Variants in PCDHGA2 observed in about 807,000 individuals in gnomAD.
The protein encoded by PCDHGA2 is protocadherin gamma subfamily A, 2, also known as protocadherin gamma-A2.
A neutral mutation model predicts 59.2 loss-of-function variants in PCDHGA2; 40 were observed. That is an observed-to-expected ratio of 0.68 (90% CI 0.52 to 0.88). PCDHGA2 has a LOEUF of 0.88. Ranked by LOEUF, PCDHGA2 falls within the 40% of genes least tolerant of loss-of-function variation. PCDHGA2 has a pLI of 0.00. For missense variants in PCDHGA2, 1,226 were observed against 1,204.0 expected (o/e 1.02, Z -0.27); for synonymous variants, 560 against 526.0 (o/e 1.06, Z -0.89).
intron 1 of PCDHGA2, chr5:141,426,390 C>T (rs1211244710): frequency 7.9e-6 from 2 of 252,180 alleles, no homozygotes; most frequent in African/African-American, 4.4e-5. Flanking sequence ...AGATCCGCTA[C>T]TCTATTCCAG....
At chr5:141,415,750 T>TTTG in intron 1 of PCDHGA2, 2 of 1,313,212 alleles carry the variant, frequency 1.5e-6, no homozygotes, top group African/African-American at 1.6e-5. Context: ...GTTTTTTTTT[T>TTTG]TTTTTTTTTT....
intron 1 of PCDHGA2, chr5:141,427,752 G>A (rs1171502843): frequency 4.5e-6 from 6 of 1,319,552 alleles, no homozygotes; most frequent in South Asian, 1.2e-5. Context: ...CTACTCCATC[G>A]TTACCACTGA....
At chr5:141,371,292 G>T (rs527250082) in intron 1 of PCDHGA2, 1 of 1,613,858 alleles carries the variant, frequency 6.2e-7, no homozygotes, top group South Asian at 1.1e-5. Flanking sequence ...TAAAACGGGG[G>T]AACTCACCAC....
rs779732249 is a variant in PCDHGA2, at chr5:141,361,274, GAGA to G, written c.2424+19882_2424+19884del. 2.5e-6 allele frequency: 4 copies of G among 1,613,962 alleles called. No individual in the cohort carries two copies. In the African/African-American group the frequency reaches 5.3e-5, roughly 22 times the overall value. On this transcript the variant is annotated intron_variant, in intron 1 of 3. Transcript: ENST00000394576. ...AGAGACAGAGACTCTGGAGAAAATG[GAGA>G]AGTTTACTGCCAAGTGTTGGGAAAT...
intron 1 of PCDHGA2, chr5:141,410,350 A>G (rs2154543015): frequency 1.2e-6 from 2 of 1,613,912 alleles, no homozygotes; most frequent in South Asian, 1.1e-5. Context: ...TGCGCCTGCG[A>G]CGCTCTCTCA....
chr5:141,479,710 T>C (rs901198074), intron 1 of PCDHGA2: 1 of 152,264 alleles, frequency 6.6e-6, no homozygotes, highest in African/African-American at 2.4e-5. Flanking sequence ...GTCCCTGTCC[T>C]TCCAGCCTTA....
intron 1 of PCDHGA2, chr5:141,419,137 CAG>C (rs1561778402): frequency 1.2e-6 from 2 of 1,613,892 alleles, no homozygotes; most frequent in South Asian, 1.1e-5. Context: ...CAGCCACAGA[CAG>C]GGGCAAGCCT....
chr5:141,344,171 C>A (rs1757378973), intron 1 of PCDHGA2: 2 of 1,614,014 alleles, frequency 1.2e-6, no homozygotes, highest in Non-Finnish European at 1.7e-6. Context: ...CCTTCGTGGG[C>A]AACATCGCTA....
intron 1 of PCDHGA2, among the ~76,000 whole-genome samples, chr5:141,381,244 C>G (rs554184818): frequency 6.6e-6 from 1 of 152,242 alleles, no homozygotes; most frequent in South Asian, 2.1e-4. Context: ...TCTCCAGGAC[C>G]TAGAAGAATT....
chr5:141,454,228 T>C (rs6896225), intron 1 of PCDHGA2, among the ~76,000 whole-genome samples: 1,935 of 152,208 alleles, frequency 0.013, 54 homozygotes, highest in African/African-American at 0.044. Flanking sequence ...AAAGTAATTG[T>C]GATGAAAAGG....
intron 1 of PCDHGA2, chr5:141,392,664 C>CT (rs530587453): frequency 1.2e-6 from 1 of 817,260 alleles, no homozygotes; most frequent in South Asian, 2.1e-5. Flanking sequence ...ATGCCACAAA[C>CT]TAACTGCTGG....
intron 1 of PCDHGA2, among the ~76,000 whole-genome samples, chr5:141,494,399 T>A (rs2099754028): frequency 6.6e-6 from 1 of 152,146 alleles, no homozygotes; most frequent in South Asian, 2.1e-4. Context: ...ATAAATTCAT[T>A]CTAGGGCTGG....
chr5:141,371,367 G>A (rs778491308), intron 1 of PCDHGA2: 3 of 1,613,892 alleles, frequency 1.9e-6, no homozygotes, highest in Non-Finnish European at 1.7e-6. Flanking sequence ...AAAGGATGGT[G>A]GACATCACAC....
chr5:141,491,884 G>C lies in PCDHGA2; in HGVS notation c.2425-2923G>C, dbSNP rs745931108. 5.0e-5 allele frequency: 73 copies of C among 1,446,372 alleles called. No homozygotes were observed. The highest frequency in any genetic ancestry group is 6.3e-5 in the Non-Finnish European group (69 of 1,094,334). The allele number at this position is 1,446,372 out of a possible 1,614,324, so 89.6% of individuals were successfully genotyped here. A position where few individuals can be genotyped will look rare whatever the true frequency, so the allele number is the denominator to read the frequency against. On this transcript the variant is annotated intron_variant, in intron 1 of 3. Coordinates refer to ENST00000394576, the MANE Select transcript of PCDHGA2 (RefSeq NM_018915.4). The surrounding 1 kb of genome is among the most constrained non-coding windows in gnomAD (Gnocchi z 6.9). The stretch of plus-strand genomic sequence containing the variant: ...AACCAGAGTGGCCGATTAAGGGATG[G>C]GGCTCCGAGCACCGGGGGTGGTGGC...
intron 1 of PCDHGA2, chr5:141,397,930 G>C (rs898785209): frequency 5.2e-6 from 4 of 775,998 alleles, no homozygotes; most frequent in Non-Finnish European, 8.1e-6. Flanking sequence ...TCGCGCAGCC[G>C]CAGCGCGCTT....
chr5:141,402,872 T>A, intron 1 of PCDHGA2: 1 of 1,455,372 alleles, frequency 6.9e-7, no homozygotes, highest in Non-Finnish European at 9.1e-7. Flanking sequence ...AAGATCACCA[T>A]ACTTTGCAGG....
chr5:141,355,805 G>T (rs571571659), intron 1 of PCDHGA2: 1 of 1,613,322 alleles, frequency 6.2e-7, no homozygotes, highest in South Asian at 1.1e-5. Flanking sequence ...GCTCTAGATC[G>T]CGAGGAAGAG....
intron 3 of PCDHGA2, among the ~76,000 whole-genome samples, chr5:141,510,266 C>T (rs1202092142): frequency 7.0e-6 from 1 of 143,198 alleles, no homozygotes; most frequent in Non-Finnish European, 1.5e-5. Flanking sequence ...GAGCAGGACT[C>T]CATCTTAAAA....
intron 1 of PCDHGA2, chr5:141,350,974 G>T (rs776132463): frequency 6.8e-6 from 11 of 1,613,978 alleles, no homozygotes; most frequent in African/African-American, 4.0e-5. Flanking sequence ...ATGCTCCCGT[G>T]TTTAGCCAGG....
Sources: gnomAD v4.1 joint callset for allele counts (sites outside exome capture counted in the v4.1 genomes callset) on GRCh38, gnomAD v4.1.1 for gene constraint, Gnocchi (gnomAD v3.1) non-coding constraint, MANE v1.5 for transcripts, NCBI Gene and HGNC (gene_info 2026-07-23, HGNC 2026-07-21) for gene names.